CAMK2G: variants seen among roughly 807,000 people sequenced by gnomAD.
CAMK2G encodes calcium/calmodulin-dependent protein kinase type II subunit gamma.
Under a neutral mutation model 88.7 loss-of-function variants are expected in CAMK2G, and 23 were observed. That is an observed-to-expected ratio of 0.26 (90% CI 0.19 to 0.37). The LOEUF (loss-of-function observed/expected upper bound fraction) is 0.37, where lower values mean the gene tolerates loss of function less well. CAMK2G is among the 10% of genes least tolerant of loss of function. The probability of loss-of-function intolerance (pLI) is 1.00; values close to 1 mark genes in which losing one functional copy is unlikely to be tolerated. For missense variants in CAMK2G, 476 were observed against 780.8 expected (o/e 0.61, Z 4.65); for synonymous variants, 263 against 294.8 (o/e 0.89, Z 1.11).
chr10:73,815,945 C>T (rs2085311661), intron 21 of CAMK2G: 1 of 985,272 alleles, frequency 1.0e-6, no homozygotes, highest in African/African-American at 1.7e-5. Flanking sequence ...TACATGACAC[C>T]TTCCTAGTAC....
intron 12 of CAMK2G, 195 bp downstream of exon 12, chr10:73,841,974 A>C: frequency 3.3e-6 from 2 of 608,730 alleles, no homozygotes. Context: ...CAATTCACAA[A>C]TGTGAGTCCA....
intron 10 of CAMK2G, among the ~76,000 whole-genome samples, chr10:73,843,812 G>A (rs1420874802): frequency 4.6e-5 from 7 of 151,924 alleles, no homozygotes; most frequent in Admixed American, 1.3e-4. Context: ...CCTCCTCCTC[G>A]GTGTAAATTT....
intron 19 of CAMK2G, chr10:73,818,350 G>A (rs549632674): frequency 2.1e-4 from 53 of 247,990 alleles, no homozygotes; most frequent in African/African-American, 1.1e-3. Flanking sequence ...CCCATCCAAA[G>A]CCAAGGGACA....
rs188703030 is a variant in CAMK2G, at chr10:73,838,474, T to C, written c.1010-963A>G. ...TCACAAAACAGTGGTGGGAATCCAG[T>C]GGGATTATGCATGAAAAGCACTTAG... On this transcript the variant is annotated intron_variant, in intron 13 of 22. Coordinates refer to ENST00000423381, the MANE Select transcript of CAMK2G (RefSeq NM_001367534.1). Among the ~76,000 whole-genome samples the C allele has an allele frequency of 7.8e-4, 119 of 152,292 alleles. 1 individual carries two copies. Among genetic ancestry groups the C allele is most frequent in the Middle Eastern group, 6.8e-3 (2 of 294 alleles).
In CAMK2G at chr10:73,860,871, C is replaced by A; in HGVS notation, c.179G>T (p.Arg60Leu). The A allele has an allele frequency of 6.2e-7, 1 of 1,613,726 alleles. No individual in the cohort carries two copies. Among genetic ancestry groups the A allele is most frequent in the Non-Finnish European group, 8.5e-7 (1 of 1,179,604 alleles). The change falls in exon 3 of 23, where the codon CGT (arginine) becomes CTT (leucine). Residue 60 changes from arginine to leucine, a missense_variant. By Grantham distance (102) the Arg-to-Leu change is moderately radical (BLOSUM62 -2). Transcript: ENST00000423381. ...LSARDHQKLE[R>L]EARICRLLKH... is the part of the protein sequence containing the mutation. ...CAGAAGTCGACATATCCGAGCCTCA[C>A]GTTCTAGTTTCTGGTGATCTAAAAG... is the stretch of plus-strand genomic sequence containing the variant.
chr10:73,874,555 GC>G (rs2096013913), upstream of CAMK2G: 3 of 788,138 alleles, frequency 3.8e-6, no homozygotes, highest in Non-Finnish European at 3.6e-6. Flanking sequence ...AGGAGACGGG[GC>G]TGAGCCCGGC....
At position 73,819,540 on chromosome 10, in the gene CAMK2G, G is replaced by C; in HGVS notation, c.1355C>G (p.Ser452Cys). ...GCCTCCCTCACACTTACTGGCTGAG[G>C]AGCAGAGAGAAGGCTGGGGCTGCAT... ...AGMQPQPSLCSSAMRKQEIIK... is the reference protein window; with the variant it reads ...AGMQPQPSLCCSAMRKQEIIK... The change falls in exon 19 of 23, where the codon TCC becomes TGC. Residue 452 changes from serine to cysteine, a missense_variant. By Grantham distance (112) the Ser-to-Cys change is moderately radical. This residue lies in a region of CAMK2G where 278 missense variants were observed against 366.5 expected (regional missense o/e 0.76). Coordinates refer to ENST00000423381, the MANE Select transcript of CAMK2G (RefSeq NM_001367534.1). The C allele has an allele frequency of 6.5e-7, 1 of 1,548,284 alleles. No homozygotes were observed. Among genetic ancestry groups the C allele is most frequent in the East Asian group, 2.4e-5 (1 of 40,920 alleles).
In CAMK2G at chr10:73,874,428, C is replaced by T. The variant is rs1565571686; in HGVS notation, c.34G>A (p.Asp12Asn). 1 of 1,519,034 alleles carries T rather than the reference C, an allele frequency of 6.6e-7. No individual in the cohort carries two copies. Among genetic ancestry groups the T allele is most frequent in the Non-Finnish European group, 8.9e-7 (1 of 1,124,264 alleles). The allele number at this position is 1,519,034 out of a possible 1,614,324, so 94.1% of individuals were successfully genotyped here. ...ATTATCTRFT[D>N]DYQLFEELGK... ...AGCTCCTCGAAGAGCTGGTAGTCGT[C>T]GGTGAAACGGGTGCAGGTGGCGGTG... is the stretch of plus-strand genomic sequence containing the variant. The change falls in exon 1 of 23, where the codon GAC becomes AAC. Residue 12 changes from aspartate to asparagine, a missense_variant. By Grantham distance (23) the Asp-to-Asn change is conservative. Transcript: ENST00000423381.
intron 18 of CAMK2G, 88 bp from the exon 19 acceptor site, chr10:73,819,733 C>T (rs1052949337): frequency 5.8e-5 from 47 of 805,234 alleles, no homozygotes; most frequent in Admixed American, 8.0e-5. Context: ...GCCAGACAGG[C>T]CCCGAGCCCA....
Position 73,849,315 on chromosome 10 carries a change from A to C in CAMK2G, c.360T>G (p.Ile120Met). 6.2e-7 allele frequency: 1 copy of C among 1,613,522 alleles called. No homozygotes were observed. Among genetic ancestry groups the C allele is most frequent in the Non-Finnish European group, 8.5e-7 (1 of 1,179,484 alleles). Residue 120 changes from isoleucine (I) to methionine (M), a missense_variant, in exon 6 of 23, where the codon ATT becomes ATG. Ile to Met is a conservative substitution (Grantham distance 10). Around this residue, in one of 3 missense-constraint regions of CAMK2G, gnomAD observed 164 missense variants for 385.6 expected, o/e 0.43. Transcript: ENST00000423381. ...GGTGGATGTGGTTAACACTCTCCAG[A>C]ATCTGATGTATACAGTGGCTAAAAA... Reference protein sequence around the residue: ...EADASHCIHQILESVNHIHQH... With the variant: ...EADASHCIHQMLESVNHIHQH...
chr10:73,847,004 G>A, intron 10 of CAMK2G: 1 of 529,604 alleles, frequency 1.9e-6, no homozygotes, highest in African/African-American at 1.9e-5. Context: ...TGACAGCCAT[G>A]AGTGGGGGAG....
intron 1 of CAMK2G, among the ~76,000 whole-genome samples, chr10:73,874,070 C>G (rs1467534633): frequency 1.9e-4 from 28 of 146,372 alleles, no homozygotes; most frequent in Admixed American, 7.4e-4. Context: ...GAGTGAGCAA[C>G]CGGGCAGCGT....
chr10:73,824,874 G>A (rs1445819656), intron 16 of CAMK2G, among the ~76,000 whole-genome samples: 1 of 152,188 alleles, frequency 6.6e-6, no homozygotes, highest in African/African-American at 2.4e-5. Flanking sequence ...CAAAGGAGAG[G>A]CTGAGGCAGG....
chr10:73,818,639 C>T, intron 19 of CAMK2G: 2 of 452,266 alleles, frequency 4.4e-6, no homozygotes, highest in South Asian at 3.1e-5. Flanking sequence ...GAGGGGGCCC[C>T]ACAGCCGTCA....
At chr10:73,829,481 TAG>T (rs1431072084) in intron 14 of CAMK2G, among the ~76,000 whole-genome samples, 1 of 151,648 alleles carries the variant, frequency 6.6e-6, no homozygotes, top group East Asian at 1.9e-4. Context: ...GTATTTTTAG[TAG>T]AGAGACTGGT....
chr10:73,831,717 G>A (rs1036146094), intron 14 of CAMK2G, among the ~76,000 whole-genome samples: 12 of 150,704 alleles, frequency 8.0e-5, no homozygotes, highest in Admixed American at 4.6e-4. Flanking sequence ...AAAATCAGCC[G>A]GGCGTGGTGG....
intron 17 of CAMK2G, among the ~76,000 whole-genome samples, chr10:73,823,453 C>T (rs377569399): frequency 4.6e-4 from 70 of 151,450 alleles, no homozygotes; most frequent in African/African-American, 1.5e-3. Flanking sequence ...TGAGCTCAGG[C>T]GATCTGCGCA....
intron 4 of CAMK2G, 40 bp from the exon 5 acceptor site, chr10:73,852,359 G>T (rs768997919): frequency 3.0e-5 from 46 of 1,548,058 alleles, no homozygotes; most frequent in Non-Finnish European, 3.9e-5. Context: ...GGCAGAAAGG[G>T]TCCTTTGTCC....
intron 3 of CAMK2G, 86 bp downstream of exon 3, chr10:73,860,744 G>T: frequency 1.0e-6 from 1 of 964,576 alleles, no homozygotes; most frequent in Non-Finnish European, 1.7e-6. Flanking sequence ...CACAGACAGA[G>T]GTGATCCCAC....
Sources: gnomAD v4.1 joint callset for allele counts (sites outside exome capture counted in the v4.1 genomes callset) on GRCh38, gnomAD v4.1.1 for gene constraint, gnomAD v4.1.1 regional missense constraint, MANE v1.5 for transcripts, NCBI Gene and HGNC (gene_info 2026-07-23, HGNC 2026-07-21) for gene names.